CFLAR: variants seen among roughly 807,000 people sequenced by gnomAD.
CFLAR encodes CASP8 and FADD-like apoptosis regulator.
CFLAR carries 14 observed loss-of-function variants against 51.1 expected under a neutral mutation model. The ratio of observed to expected loss-of-function variants is 0.27; its 90% CI spans 0.18 to 0.43. The LOEUF is 0.43. Ranked by LOEUF, CFLAR falls within the 20% of genes least tolerant of loss-of-function variation. The pLI is 1.00. For synonymous variants in CFLAR, 210 were observed against 211.6 expected (o/e 0.99, Z 0.06); for missense variants, 390 against 566.5 (o/e 0.69, Z 3.16).
In CFLAR at chr2:201,172,726, A is replaced by C. The variant is rs1223178726; in HGVS notation, c.*8753A>C. The C allele has an allele frequency of 2.0e-5, 3 of 152,222 alleles. No homozygotes were observed. Among genetic ancestry groups the C allele is most frequent in the African/African-American group, 7.2e-5 (3 of 41,456 alleles). The allele number at this position is 152,222 out of a possible 1,614,324, so 9.4% of individuals were successfully genotyped here. A position where few individuals can be genotyped will look rare whatever the true frequency, so the allele number is the denominator to read the frequency against. ...GTTCATCTATGCTATAGAGTGTACCAGTGCTTCATTACATTTTATGGCTGA... is the reference window on the plus strand; with the variant it reads ...GTTCATCTATGCTATAGAGTGTACCCGTGCTTCATTACATTTTATGGCTGA... On this transcript the variant is annotated 3_prime_UTR_variant, in exon 10 of 10. Coordinates refer to ENST00000309955, the MANE Select transcript of CFLAR (RefSeq NM_003879.7).
intron 8 of CFLAR, among the ~76,000 whole-genome samples, chr2:201,155,424 C>T (rs1575885445): frequency 6.6e-6 from 1 of 151,974 alleles, no homozygotes. Context: ...GCCATCATGC[C>T]CGGCTAATTT....
intron 1 of CFLAR, among the ~76,000 whole-genome samples, chr2:201,121,018 T>C (rs2048144392): frequency 6.6e-6 from 1 of 152,186 alleles, no homozygotes; most frequent in South Asian, 2.1e-4. Context: ...GGCATGTAGA[T>C]CTCCCTCTGC....
At chr2:201,144,181 A>G (rs1939618078) in intron 5 of CFLAR, 1 of 152,246 alleles carries the variant, frequency 6.6e-6, no homozygotes, top group Admixed American at 6.5e-5. Flanking sequence ...ACACAGCTTA[A>G]CAGATAGTGT....
intron 5 of CFLAR, among the ~76,000 whole-genome samples, chr2:201,144,477 T>G (rs909726298): frequency 1.3e-5 from 2 of 152,266 alleles, no homozygotes; most frequent in South Asian, 2.1e-4. Context: ...TACTTCCATG[T>G]GCTTGGCACT....
At chr2:201,159,993 G>C (rs1253920043) in intron 8 of CFLAR, among the ~76,000 whole-genome samples, 1 of 152,172 alleles carries the variant, frequency 6.6e-6, no homozygotes, top group Non-Finnish European at 1.5e-5. Context: ...CAGGAAGCCT[G>C]TTCTTCATGT....
At chr2:201,120,410 A>G (rs1306929970) in intron 1 of CFLAR, among the ~76,000 whole-genome samples, 1 of 152,064 alleles carries the variant, frequency 6.6e-6, no homozygotes, top group Non-Finnish European at 1.5e-5. Flanking sequence ...AAATAGATAA[A>G]CATCTTCTAC....
chr2:201,163,768 G>T, intron 9 of CFLAR, 67 bp from the exon 10 acceptor site: 7 of 1,551,644 alleles, frequency 4.5e-6, no homozygotes, highest in Non-Finnish European at 6.1e-6. Context: ...GGCTCATTTC[G>T]CCCTAATGAC....
intron 9 of CFLAR, among the ~76,000 whole-genome samples, chr2:201,162,300 C>T (rs1015266740): frequency 3.3e-5 from 5 of 151,650 alleles, no homozygotes; most frequent in African/African-American, 1.2e-4. Flanking sequence ...GATGGGGTTT[C>T]ACCATGTTGG....
chr2:201,153,028 G>A (rs1941538686), intron 8 of CFLAR: 2 of 152,250 alleles, frequency 1.3e-5, no homozygotes, highest in African/African-American at 4.8e-5. Flanking sequence ...GTCAGACATA[G>A]TCCTTTAAAG....
chr2:201,122,561 T>C (rs2048294481), intron 1 of CFLAR: 1 of 152,092 alleles, frequency 6.6e-6, no homozygotes. Context: ...TGAAGATGAG[T>C]AAAAGCCTAT....
intron 5 of CFLAR, among the ~76,000 whole-genome samples, chr2:201,144,956 A>G (rs1387369886): frequency 6.6e-6 from 1 of 152,020 alleles, no homozygotes; most frequent in African/African-American, 2.4e-5. Context: ...AGGTTCAAGC[A>G]ATTCTCCTGC....
intron 6 of CFLAR, 51 bp downstream of exon 6, chr2:201,145,483 T>C (rs369605425): frequency 8.8e-7 from 1 of 1,142,376 alleles, no homozygotes; most frequent in Non-Finnish European, 1.3e-6. Context: ...TTGATAATTC[T>C]AGTACAAATA....
chr2:201,141,315 G>A, intron 5 of CFLAR: 2 of 1,528,274 alleles, frequency 1.3e-6, no homozygotes, highest in Non-Finnish European at 1.8e-6. Flanking sequence ...AGTTCATTCT[G>A]TAACTATCCA....
At chr2:201,125,754 G>A (rs1045878519) in intron 1 of CFLAR, among the ~76,000 whole-genome samples, 5 of 152,130 alleles carry the variant, frequency 3.3e-5, no homozygotes, top group South Asian at 2.1e-4. Flanking sequence ...TTGAGCAGCC[G>A]TAGGGGCCCA....
Position 201,160,564 on chromosome 2 carries a change from T to C in CFLAR, c.926T>C (p.Val309Ala), listed in dbSNP as rs754965349. The C allele has an allele frequency of 1.9e-6, 3 of 1,613,674 alleles. No individual in the cohort carries two copies. Among genetic ancestry groups the C allele is most frequent in the Non-Finnish European group, 2.5e-6 (3 of 1,179,938 alleles). The change falls in exon 9 of 10, where the codon GTG (valine) becomes GCG (alanine). Residue 309 changes from valine to alanine, a missense_variant. Physicochemically the swap from Val to Ala is moderately conservative, Grantham distance 64 (BLOSUM62 0). Transcript: ENST00000309955. ...MPEHRDYDSF[V>A]CVLVSRGGSQ... is the part of the protein sequence containing the mutation. ...GAGCACCGAGACTACGACAGCTTTG[T>C]GTGTGTCCTGGTGAGCCGAGGAGGC...
At chr2:201,132,914 A>T (rs1211021793) in intron 2 of CFLAR, 115 bp from the exon 3 acceptor site, 14 of 1,052,918 alleles carry the variant, frequency 1.3e-5, no homozygotes, top group Non-Finnish European at 1.4e-6. Context: ...GGACATATTT[A>T]CACAGGGGCA....
In CFLAR at chr2:201,133,074, G is replaced by A. The variant is rs1335904045; in HGVS notation, c.327G>A (p.Val109=). 1 of 1,610,746 alleles carries A rather than the reference G, an allele frequency of 6.2e-7. No homozygotes were observed. Among genetic ancestry groups the A allele is most frequent in the African/African-American group, 1.3e-5 (1 of 74,832 alleles). Residue 109 remains valine (V), a synonymous_variant, in exon 3 of 10, where the codon GTG becomes GTA. Transcript: ENST00000309955. ...GTGAGGATTTGGATAAATCTGATGT[G>A]TCCTCATTAATTTTCCTCATGAAGG... The part of the protein sequence containing the change: ...EIGEDLDKSD[V]SSLIFLMKDY...
chr2:201,152,359 T>G (rs1004426029), intron 8 of CFLAR, among the ~76,000 whole-genome samples: 1 of 152,146 alleles, frequency 6.6e-6, no homozygotes, highest in Non-Finnish European at 1.5e-5. Context: ...CTCGGCCTTC[T>G]TAAGTCCCAG....
At chr2:201,117,307 A>C (rs1034682118) in intron 1 of CFLAR, among the ~76,000 whole-genome samples, 5 of 152,200 alleles carry the variant, frequency 3.3e-5, no homozygotes, top group Admixed American at 2.0e-4. Context: ...CGACTGGGAA[A>C]TGTAAACTGG....
Sources: gnomAD v4.1 joint callset for allele counts (sites outside exome capture counted in the v4.1 genomes callset) on GRCh38, gnomAD v4.1.1 for gene constraint, MANE v1.5 for transcripts, NCBI Gene and HGNC (gene_info 2026-07-23, HGNC 2026-07-21) for gene names.